ST6GALNAC3: variants seen among roughly 807,000 people sequenced by gnomAD.
ST6GALNAC3 encodes the protein ST6 N-acetylgalactosaminide alpha-2,6-sialyltransferase 3.
In ST6GALNAC3, 25 loss-of-function variants were observed where a neutral mutation model predicts 32.7. That is an observed-to-expected ratio of 0.76 (90% confidence interval 0.56 to 1.07). ST6GALNAC3 has a LOEUF of 1.07. Ranked by LOEUF, ST6GALNAC3 falls within the 50% of genes least tolerant of loss-of-function variation. The probability of loss-of-function intolerance (pLI) is 0.00; values close to 1 mark genes in which losing one functional copy is unlikely to be tolerated. For synonymous variants in ST6GALNAC3, 129 were observed against 133.1 expected (o/e 0.97, Z 0.21); for missense variants, 355 against 382.4 (o/e 0.93, Z 0.60).
chr1:76,367,582 T>G (rs1650475121), intron 2 of ST6GALNAC3, among the ~76,000 whole-genome samples: 1 of 152,148 alleles, frequency 6.6e-6, no homozygotes, highest in Admixed American at 6.6e-5. Flanking sequence ...CCCACCAAAG[T>G]AAAAGTTCTC....
chr1:76,570,155 T>A (rs71656891), intron 3 of ST6GALNAC3, among the ~76,000 whole-genome samples: 9,419 of 152,240 alleles, frequency 0.062, 300 homozygotes, highest in Middle Eastern at 0.085. Context: ...TGTGCACTCA[T>A]GTTTGTTGAG....
At chr1:76,119,920 A>G (rs1450813481) in intron 1 of ST6GALNAC3, among the ~76,000 whole-genome samples, 1 of 152,252 alleles carries the variant, frequency 6.6e-6, no homozygotes, top group Admixed American at 6.5e-5. Flanking sequence ...CCTCCATCAC[A>G]GAAAGCATAA....
intron 3 of ST6GALNAC3, among the ~76,000 whole-genome samples, chr1:76,429,028 A>G (rs569147760): frequency 2.2e-4 from 33 of 152,252 alleles, no homozygotes; most frequent in African/African-American, 7.9e-4. Context: ...TTTATAAAAA[A>G]GTTTCTCAGA....
chr1:76,576,567 C>T (rs315028), intron 3 of ST6GALNAC3, among the ~76,000 whole-genome samples: 13,208 of 152,002 alleles, frequency 0.087, 1,104 homozygotes, highest in East Asian at 0.25. Context: ...TATTAGCCTT[C>T]GGAGACACAG....
At chr1:76,352,026 A>G (rs971025125) in intron 2 of ST6GALNAC3, among the ~76,000 whole-genome samples, 1 of 152,162 alleles carries the variant, frequency 6.6e-6, no homozygotes, top group Admixed American at 6.5e-5. Flanking sequence ...GTTTAACTGC[A>G]GTATCAAATT....
intron 1 of ST6GALNAC3, among the ~76,000 whole-genome samples, chr1:76,287,614 A>T (rs975543002): frequency 1.3e-5 from 2 of 152,194 alleles, no homozygotes; most frequent in African/African-American, 4.8e-5. Flanking sequence ...GGTTAATTAA[A>T]GAATGATTCT....
intron 3 of ST6GALNAC3, among the ~76,000 whole-genome samples, chr1:76,587,763 C>G (rs1223292352): frequency 6.6e-6 from 1 of 152,146 alleles, no homozygotes; most frequent in Non-Finnish European, 1.5e-5. Flanking sequence ...CAAATCTGAT[C>G]TAATGACTTC....
intron 2 of ST6GALNAC3, among the ~76,000 whole-genome samples, chr1:76,362,454 T>G (rs555945656): frequency 6.6e-6 from 1 of 152,282 alleles, no homozygotes; most frequent in South Asian, 2.1e-4. Context: ...ACAACCATCC[T>G]GTCTCAACAG....
At chr1:76,444,691 A>G (rs1357333989) in intron 3 of ST6GALNAC3, among the ~76,000 whole-genome samples, 1 of 152,112 alleles carries the variant, frequency 6.6e-6, no homozygotes, top group Non-Finnish European at 1.5e-5. Flanking sequence ...CACTTTCCAT[A>G]GTTGCTTCTT....
Position 76,632,036 on chromosome 1 carries a change from C to A in ST6GALNAC3, c.*3230C>A, listed in dbSNP as rs1487408650. On this transcript the variant is annotated 3_prime_UTR_variant, in exon 5 of 5. Transcript: ENST00000328299. Reference sequence around the variant, plus strand: ...TTGGAGGAATGTTTGTATATATGCACATAGAGTCTATTTGTGTGTGTGTGA... The same window carrying A: ...TTGGAGGAATGTTTGTATATATGCAAATAGAGTCTATTTGTGTGTGTGTGA... 1 of 151,956 alleles carries A rather than the reference C, an allele frequency of 6.6e-6. No homozygotes were observed. The highest frequency in any genetic ancestry group is 1.5e-5 in the Non-Finnish European group (1 of 67,954). The allele number at this position is 151,956 out of a possible 1,614,324, so 9.4% of individuals were successfully genotyped here.
intron 3 of ST6GALNAC3, among the ~76,000 whole-genome samples, chr1:76,508,881 A>T (rs977462929): frequency 9.2e-5 from 14 of 152,166 alleles, no homozygotes; most frequent in African/African-American, 2.9e-4. Flanking sequence ...CAATAAGAAA[A>T]TTTTTTGTCA....
chr1:76,531,218 A>G (rs1317302731), intron 3 of ST6GALNAC3, among the ~76,000 whole-genome samples: 3 of 152,222 alleles, frequency 2.0e-5, no homozygotes, highest in Non-Finnish European at 2.9e-5. Flanking sequence ...TGGGCCGCTC[A>G]GAAAATTGAT....
Position 76,320,304 on chromosome 1 carries a change from G to A in ST6GALNAC3, c.213+6305G>A, listed in dbSNP as rs979569843. On this transcript the variant is annotated intron_variant, in intron 2 of 4. Transcript: ENST00000328299. ...CAGTAAAGCCCTAATGTCTATGCTG[G>A]TAATCGTCATTGCCTCACACTTGGT... Among the ~76,000 whole-genome samples the A allele has an allele frequency of 6.6e-5, 10 of 152,274 alleles. No individual in the cohort carries two copies. In the East Asian group the frequency reaches 1.5e-3, roughly 23 times the overall value.
chr1:76,143,071 A>G (rs549911810), intron 1 of ST6GALNAC3, among the ~76,000 whole-genome samples: 6 of 152,344 alleles, frequency 3.9e-5, no homozygotes, highest in Admixed American at 3.9e-4. Context: ...TTTTAAAACA[A>G]ATTTTTAGGA....
In ST6GALNAC3 at chr1:76,266,003, G is replaced by A. The variant is rs192953218; in HGVS notation, c.19-47802G>A. ...CCATGCTGTAGGTTCAAAGCAAATG[G>A]GCTGTATAACACATTCTTCATAAAT... On this transcript the variant is annotated intron_variant, in intron 1 of 4. Coordinates refer to ENST00000328299, the MANE Select transcript of ST6GALNAC3 (RefSeq NM_152996.4). 5.9e-5 allele frequency among the ~76,000 whole-genome samples: 9 copies of A among 152,204 alleles called. No individual in the cohort carries two copies. The East Asian group carries it at 1.7e-3, about 29-fold the overall frequency.
chr1:76,576,382 T>G lies in ST6GALNAC3; in HGVS notation c.624-51070T>G, dbSNP rs377695464. ...ACTGAAGTTTTGATGTTACAAAATG[T>G]CCAAAATGCAATTTGGCTTTCATTT... On this transcript the variant is annotated intron_variant, in intron 3 of 4. Coordinates refer to ENST00000328299, the MANE Select transcript of ST6GALNAC3 (RefSeq NM_152996.4). 4.4e-4 allele frequency among the ~76,000 whole-genome samples: 67 copies of G among 152,154 alleles called. No homozygotes were observed. The Middle Eastern group carries it at 0.01, about 23-fold the overall frequency.
At chr1:76,319,345 G>A (rs1440432145) in intron 2 of ST6GALNAC3, among the ~76,000 whole-genome samples, 3 of 152,138 alleles carry the variant, frequency 2.0e-5, no homozygotes, top group African/African-American at 4.8e-5. Context: ...TTTAAAAAAT[G>A]AGAACGTTTT....
Position 76,182,892 on chromosome 1 carries a change from A to G in ST6GALNAC3, c.18+108008A>G, listed in dbSNP as rs370081589. Among the ~76,000 whole-genome samples, 47 of 152,226 alleles carry G rather than the reference A, an allele frequency of 3.1e-4. No homozygotes were observed. The East Asian group carries it at 8.5e-3, about 27-fold the overall frequency. On this transcript the variant is annotated intron_variant, in intron 1 of 4. Transcript: ENST00000328299. The stretch of plus-strand genomic sequence containing the variant: ...TTTTACAACCTACGAATTACCTAAA[A>G]CAACTTTAGTCATTTGAATTTTGAC...
intron 2 of ST6GALNAC3, among the ~76,000 whole-genome samples, chr1:76,396,499 C>T (rs1307462045): frequency 1.3e-5 from 2 of 152,046 alleles, no homozygotes; most frequent in Non-Finnish European, 2.9e-5. Context: ...CAATCCACTT[C>T]TTATTCCTTG....
Sources: allele counts gnomAD v4.1 joint callset (sites outside exome capture counted in the v4.1 genomes callset), GRCh38; gene constraint gnomAD v4.1.1; transcripts MANE v1.5; gene names NCBI Gene and HGNC (gene_info 2026-07-23, HGNC 2026-07-21).